TUSC3: variants seen among roughly 807,000 people sequenced by gnomAD.
The protein encoded by TUSC3 is dolichyl-diphosphooligosaccharide--protein glycosyltransferase subunit TUSC3.
Under a neutral mutation model 44.8 loss-of-function variants are expected in TUSC3, and 45 were observed. The observed-to-expected ratio is 1.00, with a 90% CI of 0.79 to 1.29. TUSC3 has a LOEUF of 1.29. Ranked by LOEUF, TUSC3 falls within the 50% of genes most tolerant of loss-of-function variation. The pLI, the probability that TUSC3 is intolerant of heterozygous loss-of-function variation, is 0.00. For synonymous variants in TUSC3, 212 were observed against 152.9 expected, an observed-to-expected ratio of 1.39 and a Z score of -2.85; for missense variants, 519 against 437.9, an observed-to-expected ratio of 1.19 and a Z score of -1.65.
At chr8:15,696,235 C>T (rs1809158390) in intron 6 of TUSC3, among the ~76,000 whole-genome samples, 1 of 152,144 alleles carries the variant, frequency 6.6e-6, no homozygotes, top group Admixed American at 6.5e-5. Context: ...TGGTGCCTTG[C>T]ATCCTTGCTG....
chr8:15,587,851 A>C (rs879693290), intron 1 of TUSC3, among the ~76,000 whole-genome samples: 4 of 152,116 alleles, frequency 2.6e-5, no homozygotes, highest in Non-Finnish European at 4.4e-5. Flanking sequence ...TTAAAATTTA[A>C]GATAATATTC....
At chr8:15,492,100 T>C (rs1005480100) in intron 2 of TUSC3, among the ~76,000 whole-genome samples, 2 of 152,160 alleles carry the variant, frequency 1.3e-5, no homozygotes, top group Non-Finnish European at 2.9e-5. Flanking sequence ...AAACCATTTG[T>C]TGAGTACTTA....
chr8:15,690,853 G>C (rs1323675484), intron 6 of TUSC3, among the ~76,000 whole-genome samples: 2 of 151,530 alleles, frequency 1.3e-5, no homozygotes, highest in Non-Finnish European at 1.5e-5. Context: ...TGTTCCATTG[G>C]TCTGTGTGTC....
chr8:15,432,514 T>C (rs1202964271), intron 1 of TUSC3, among the ~76,000 whole-genome samples: 2 of 152,192 alleles, frequency 1.3e-5, no homozygotes, highest in Non-Finnish European at 2.9e-5. Flanking sequence ...GTTCTGATGC[T>C]TGCTCTCTCT....
At chr8:15,445,462 C>T (rs1026398670) in intron 1 of TUSC3, among the ~76,000 whole-genome samples, 11 of 152,106 alleles carry the variant, frequency 7.2e-5, no homozygotes, top group South Asian at 2.1e-4. Flanking sequence ...GAGGACCCTG[C>T]GGCCTTCCGC....
chr8:15,836,837 T>C, the TUSC3 span, among the ~76,000 whole-genome samples: 30 of 152,306 alleles, frequency 2.0e-4, no homozygotes, highest in African/African-American at 7.2e-4. Flanking sequence ...ACTTGCAGTT[T>C]TATACTTCTA....
intron 2 of TUSC3, among the ~76,000 whole-genome samples, chr8:15,637,788 C>G (rs1284184934): frequency 6.6e-6 from 1 of 152,024 alleles, no homozygotes. Flanking sequence ...TGAAATAGGT[C>G]GAGTTCAGCA....
At position 15,597,457 on chromosome 8, in the gene TUSC3, G is replaced by A. The variant is rs1804119198; in HGVS notation, c.139-25623G>A. ...GCTTTGCTAATTTATTGAGAACATT[G>A]ATGTATTTTTTCTTTGTCTTTCTTT... On this transcript the variant is annotated intron_variant, in intron 1 of 10. Transcript: ENST00000503731. Among the ~76,000 whole-genome samples, 3 of 152,046 alleles carry A rather than the reference G, an allele frequency of 2.0e-5. No homozygotes were observed. In the South Asian group the frequency reaches 6.2e-4, roughly 31 times the overall value.
intron 2 of TUSC3, among the ~76,000 whole-genome samples, chr8:15,519,620 C>T (rs947151389): frequency 2.6e-5 from 4 of 152,118 alleles, no homozygotes; most frequent in Non-Finnish European, 5.9e-5. Flanking sequence ...TTATGAGAAT[C>T]TAATGCCTGA....
At chr8:15,670,249 A>G (rs1807883871) in intron 5 of TUSC3, among the ~76,000 whole-genome samples, 1 of 151,878 alleles carries the variant, frequency 6.6e-6, no homozygotes, top group Non-Finnish European at 1.5e-5. Flanking sequence ...AGGGTAATGA[A>G]TAGAATAGTT....
At chr8:15,627,786 T>C (rs148997406) in intron 2 of TUSC3, among the ~76,000 whole-genome samples, 131 of 152,356 alleles carry the variant, frequency 8.6e-4, no homozygotes, top group African/African-American at 3.2e-3. Context: ...TGCCTGGCTG[T>C]GTGCAGTGGC....
At chr8:15,465,742 T>C (rs1385823848) in intron 1 of TUSC3, among the ~76,000 whole-genome samples, 1 of 152,158 alleles carries the variant, frequency 6.6e-6, no homozygotes, top group Admixed American at 6.5e-5. Flanking sequence ...ACATCAAACA[T>C]AAAGGTACTT....
chr8:15,583,559 C>T (rs188806018), intron 1 of TUSC3, among the ~76,000 whole-genome samples: 255 of 152,204 alleles, frequency 1.7e-3, no homozygotes, highest in Non-Finnish European at 3.4e-3. Flanking sequence ...AAAACTAGAT[C>T]CCGTGGATGG....
chr8:15,679,915 G>C (rs959955735), intron 6 of TUSC3, among the ~76,000 whole-genome samples: 6 of 151,994 alleles, frequency 3.9e-5, no homozygotes, highest in African/African-American at 1.4e-4. Flanking sequence ...CTTTACTTCT[G>C]GGTCGTCTAT....
At chr8:15,785,725 C>A in the TUSC3 span, among the ~76,000 whole-genome samples, 2 of 152,000 alleles carry the variant, frequency 1.3e-5, no homozygotes, top group Non-Finnish European at 2.9e-5. Context: ...TCACGTGGAG[C>A]TCTGCAATCT....
rs190266082 is a variant in TUSC3, at chr8:15,432,542, T to G, written n.91+15237T>G. 6.9e-3 allele frequency among the ~76,000 whole-genome samples: 1,056 copies of G among 152,290 alleles called. 10 individuals carry two copies. The highest frequency in any genetic ancestry group is 0.024 in the African/African-American group (992 of 41,562). On this transcript the variant is annotated intron_variant and non_coding_transcript_variant, in intron 1 of 5. Transcript: ENST00000503191. ...CTCTCTCTGTTCTCAAACTGTTTTTTGCCTTTCAAAATGTCTTATAATTTT... is the reference window on the plus strand; with the variant it reads ...CTCTCTCTGTTCTCAAACTGTTTTTGGCCTTTCAAAATGTCTTATAATTTT...
At chr8:15,756,429 C>G (rs1382333283) in intron 9 of TUSC3, among the ~76,000 whole-genome samples, 1 of 152,144 alleles carries the variant, frequency 6.6e-6, no homozygotes, top group Non-Finnish European at 1.5e-5. Context: ...TCACTTACCT[C>G]CTCTTCAGCT....
At chr8:15,457,516 A>C (rs1800272686) in intron 1 of TUSC3, among the ~76,000 whole-genome samples, 1 of 151,292 alleles carries the variant, frequency 6.6e-6, no homozygotes, top group Non-Finnish European at 1.5e-5. Context: ...ATGGATTCAC[A>C]TTTATATACT....
chr8:15,798,650 G>GTGTGT, the TUSC3 span, among the ~76,000 whole-genome samples: 1 of 87,490 alleles, frequency 1.1e-5, no homozygotes, highest in East Asian at 2.8e-4. Flanking sequence ...CTGGGTGTGT[G>GTGTGT]GGGGGGGTCC....
Sources: gnomAD v4.1 joint callset for allele counts (sites outside exome capture counted in the v4.1 genomes callset) on GRCh38, gnomAD v4.1.1 for gene constraint, MANE v1.5 for transcripts, NCBI Gene and HGNC (gene_info 2026-07-23, HGNC 2026-07-21) for gene names.